MTR: variants seen among roughly 807,000 people sequenced by gnomAD.
The protein encoded by MTR is methionine synthase.
A neutral mutation model predicts 154.8 loss-of-function variants in MTR; 84 were observed. That is an observed-to-expected ratio of 0.54 (90% CI 0.45 to 0.65). The LOEUF is 0.65. Ranked by LOEUF, MTR falls within the 30% of genes least tolerant of loss-of-function variation. The pLI, the probability that MTR is intolerant of heterozygous loss-of-function variation, is 0.00. For missense variants in MTR, 1,275 were observed against 1,570.2 expected (o/e 0.81, Z 3.18); for synonymous variants, 554 against 553.9 (o/e 1.00, Z 0.00).
At chr1:236,820,731 A>G (rs146405343) in intron 8 of MTR, among the ~76,000 whole-genome samples, 3 of 152,278 alleles carry the variant, frequency 2.0e-5, no homozygotes, top group Non-Finnish European at 2.9e-5. Context: ...CTGCCAAACT[A>G]TCCTCCAAAG....
intron 32 of MTR, 119 bp from the exon 33 acceptor site, chr1:236,897,439 A>T: frequency 2.0e-6 from 2 of 988,986 alleles, no homozygotes; most frequent in Non-Finnish European, 3.2e-6. Context: ...TTAACTCTGT[A>T]GATTGCTATT....
chr1:236,830,394 GA>G (rs1391414175), intron 12 of MTR, among the ~76,000 whole-genome samples: 3 of 151,604 alleles, frequency 2.0e-5, no homozygotes, highest in Non-Finnish European at 4.4e-5. Context: ...ATTGAAACAA[GA>G]GAGCCATTTA....
At chr1:236,853,530 A>G (rs1244924763) in intron 18 of MTR, among the ~76,000 whole-genome samples, 1 of 152,206 alleles carries the variant, frequency 6.6e-6, no homozygotes, top group Non-Finnish European at 1.5e-5. Context: ...GTACATATAC[A>G]TACATTTTTT....
chr1:236,879,495 G>A (rs1194454073), intron 24 of MTR, among the ~76,000 whole-genome samples: 1 of 152,188 alleles, frequency 6.6e-6, no homozygotes, highest in Non-Finnish European at 1.5e-5. Context: ...GCTACTTCTG[G>A]GGAGGAGGAG....
At position 236,808,706 on chromosome 1, in the gene MTR, C is replaced by T. The variant is rs1423334694; in HGVS notation, c.342C>T (p.Ala114=). The T allele has an allele frequency of 6.2e-7, 1 of 1,614,122 alleles. No homozygotes were observed. The highest frequency in any genetic ancestry group is 1.1e-5 in the South Asian group (1 of 91,086). The change falls in exon 4 of 33, where the codon GCC becomes GCT. Residue 114 remains alanine (A), a splice_region_variant and synonymous_variant. Coordinates refer to ENST00000366577, the MANE Select transcript of MTR (RefSeq NM_000254.3). ...AQADYGLEHL[A]YRMNMCSAGV... ...AACGTTTGTGGTTGATACGTTAGGC[C>T]TACCGGATGAACATGTGCTCTGCAG...
chr1:236,852,472 GT>G, intron 16 of MTR, 48 bp from the exon 17 acceptor site: 4 of 1,424,010 alleles, frequency 2.8e-6, no homozygotes, highest in Non-Finnish European at 4.0e-6. Flanking sequence ...TGTGATTGCT[GT>G]TTTTGGCAAA....
At chr1:236,846,070 A>C (rs1663552607) in intron 15 of MTR, among the ~76,000 whole-genome samples, 1 of 152,258 alleles carries the variant, frequency 6.6e-6, no homozygotes, top group Non-Finnish European at 1.5e-5. Context: ...ACACAACTGC[A>C]AGGTCAAGAC....
chr1:236,838,748 C>T (rs1663055813), intron 15 of MTR, 149 bp downstream of exon 15: 6 of 812,048 alleles, frequency 7.4e-6, no homozygotes, highest in South Asian at 5.8e-5. Context: ...GTACACGTAT[C>T]TGTATACAGT....
At chr1:236,860,898 CAAAAT>C (rs538824425) in intron 19 of MTR, among the ~76,000 whole-genome samples, 1 of 152,032 alleles carries the variant, frequency 6.6e-6, no homozygotes, top group Non-Finnish European at 1.5e-5. Context: ...TCTCAATCCT[CAAAAT>C]AAACATATGA....
chr1:236,827,457 C>G (rs1352896530), intron 11 of MTR, among the ~76,000 whole-genome samples: 1 of 152,148 alleles, frequency 6.6e-6, no homozygotes. Flanking sequence ...CTTATTTCAT[C>G]TATCCCTCAA....
chr1:236,900,116 TCA>T lies in MTR; in HGVS notation c.*2473_*2474del. On this transcript the variant is annotated 3_prime_UTR_variant, in exon 33 of 33. Coordinates refer to ENST00000366577, the MANE Select transcript of MTR (RefSeq NM_000254.3). ...CACTAGGAGGAATGTGTAAGAATGT[TCA>T]TAGTTACATATTTATAATAGTTAAT... 2.7e-6 allele frequency: 1 copy of T among 371,330 alleles called. No homozygotes were observed. The highest frequency in any genetic ancestry group is 3.3e-5 in the Admixed American group (1 of 29,992). The allele number at this position is 371,330 out of a possible 1,614,324, so 23.0% of individuals were successfully genotyped here. A position where few individuals can be genotyped will look rare whatever the true frequency, so the allele number is the denominator to read the frequency against.
At chr1:236,797,483 C>T (rs1182857864) in intron 1 of MTR, among the ~76,000 whole-genome samples, 1 of 151,906 alleles carries the variant, frequency 6.6e-6, no homozygotes, top group Admixed American at 6.6e-5. Context: ...TTATTTGGAA[C>T]TCAATTGATG....
chr1:236,811,509 G>A (rs879583957), intron 5 of MTR: 7 of 438,164 alleles, frequency 1.6e-5, no homozygotes, highest in Non-Finnish European at 3.2e-5. Flanking sequence ...AGTGCAGTGG[G>A]TGGAGATGAT....
intron 3 of MTR, among the ~76,000 whole-genome samples, chr1:236,806,509 G>T (rs980995246): frequency 6.6e-6 from 1 of 152,166 alleles, no homozygotes; most frequent in East Asian, 1.9e-4. Context: ...ATCATTGGCC[G>T]TATGCACACA....
At chr1:236,844,258 G>A (rs59021137) in intron 15 of MTR, among the ~76,000 whole-genome samples, 3,130 of 152,238 alleles carry the variant, frequency 0.021, 96 homozygotes, top group African/African-American at 0.069. Flanking sequence ...AGAGTTTACC[G>A]TTGGATTTAG....
chr1:236,800,161 G>A, intron 1 of MTR: 1 of 985,400 alleles, frequency 1.0e-6, no homozygotes, highest in Non-Finnish European at 1.2e-6. Flanking sequence ...TGCTCAACTT[G>A]TGTGCACTCG....
chr1:236,863,877 C>T (rs892292441), intron 22 of MTR, among the ~76,000 whole-genome samples: 2 of 152,128 alleles, frequency 1.3e-5, no homozygotes, highest in African/African-American at 4.8e-5. Context: ...GGCTCCTTCC[C>T]ATGGCCAGTG....
intron 19 of MTR, 48 bp from the exon 20 acceptor site, chr1:236,861,072 ATTTTT>A: frequency 8.1e-7 from 1 of 1,237,308 alleles, no homozygotes; most frequent in South Asian, 1.5e-5. Flanking sequence ...TTTTTAGGTG[ATTTTT>A]TTTTTCTTTC....
At chr1:236,863,389 C>G in intron 21 of MTR, 65 bp from the exon 22 acceptor site, 1 of 1,297,824 alleles carries the variant, frequency 7.7e-7, no homozygotes, top group Non-Finnish European at 1.1e-6. Flanking sequence ...CTGCCTGGCT[C>G]TGGAGAACTA....
Sources: allele counts gnomAD v4.1 joint callset (sites outside exome capture counted in the v4.1 genomes callset), GRCh38; gene constraint gnomAD v4.1.1; transcripts MANE v1.5; gene names NCBI Gene and HGNC (gene_info 2026-07-23, HGNC 2026-07-21).